The following HNRNPH1 variants were observed in gnomAD, a reference collection of about 807,000 sequenced individuals.
HNRNPH1 encodes the protein heterogeneous nuclear ribonucleoprotein H.
Under a neutral mutation model 58.6 loss-of-function variants are expected in HNRNPH1, and 4 were observed. The ratio of observed to expected loss-of-function variants is 0.07; its 90% CI spans 0.03 to 0.16. The LOEUF (loss-of-function observed/expected upper bound fraction) is 0.16, where lower values mean the gene tolerates loss of function less well. Among genes scored for constraint, HNRNPH1 ranks in the 10% least tolerant of loss-of-function variants. The pLI is 1.00. For missense variants in HNRNPH1, 271 were observed against 564.2 expected (o/e 0.48, Z 5.26); for synonymous variants, 192 against 189.2 (o/e 1.01, Z -0.12).
intron 1 of HNRNPH1, among the ~76,000 whole-genome samples, chr5:179,622,639 A>G (rs1404750770): frequency 6.6e-6 from 1 of 152,234 alleles, no homozygotes; most frequent in Non-Finnish European, 1.5e-5. Context: ...TGAACCCAGG[A>G]GGCGGAGGTT....
chr5:179,619,095 A>C lies in HNRNPH1; in HGVS notation c.536+174T>G, dbSNP rs553452618. ...ACCAATTAACTAGGGACAAATTTCAAACCTAAAATTTAGTTTGCGTGTAAC... is the reference window on the plus strand; with the variant it reads ...ACCAATTAACTAGGGACAAATTTCACACCTAAAATTTAGTTTGCGTGTAAC... On this transcript the variant is annotated intron_variant, in intron 4 of 12. Transcript: ENST00000356731. The C allele has an allele frequency of 6.5e-4, 364 of 563,670 alleles. 1 individual carries two copies. The highest frequency in any genetic ancestry group is 2.2e-5 in the Non-Finnish European group (7 of 325,030). 34.9% of individuals were successfully genotyped at this position (563,670 alleles called of 1,614,324 possible).
Position 179,623,225 on chromosome 5 carries a change from C to G in HNRNPH1, c.-92G>C, listed in dbSNP as rs1174139076. On this transcript the variant is annotated 5_prime_UTR_variant, in exon 1 of 13. Transcript: ENST00000356731. ...ATTAAGCTGTCCTTCGCCTCCGAGG[C>G]GCGCCCGGGCCCGCACCGCCCCCCC... 6.8e-6 allele frequency: 6 copies of G among 883,570 alleles called. No homozygotes were observed. In the African/African-American group the frequency reaches 6.9e-5, roughly 10 times the overall value. The allele number at this position is 883,570 out of a possible 1,614,324, so 54.7% of individuals were successfully genotyped here.
Position 179,616,113 on chromosome 5 carries a change from A to C in HNRNPH1, c.1300+13T>G, listed in dbSNP as rs111356422. The C allele has an allele frequency of 3.7e-6, 6 of 1,601,538 alleles. No individual in the cohort carries two copies. In the African/African-American group the frequency reaches 8.0e-5, roughly 21 times the overall value. ...CATAACTTACTCTAAGTACAGTAACAAACAGGCTTTACCGTATCCACTCAT... is the reference window on the plus strand; with the variant it reads ...CATAACTTACTCTAAGTACAGTAACCAACAGGCTTTACCGTATCCACTCAT... On this transcript the variant is annotated intron_variant, in intron 11 of 12. Coordinates refer to ENST00000356731, the Ensembl canonical transcript of HNRNPH1.
upstream of HNRNPH1, chr5:179,629,393 G>A (rs1476409928): frequency 6.6e-6 from 1 of 151,896 alleles, no homozygotes; most frequent in Non-Finnish European, 1.5e-5. Context: ...CCCAGGCTCA[G>A]GTGATCCTCC....
intron 1 of HNRNPH1, among the ~76,000 whole-genome samples, chr5:179,622,248 T>C (rs969436348): frequency 6.6e-6 from 1 of 152,212 alleles, no homozygotes; most frequent in East Asian, 1.9e-4. Context: ...AATTAAGACG[T>C]GACATTTTAA....
At position 179,615,526 on chromosome 5, in the gene HNRNPH1, T is replaced by C. The variant is rs1350140457; in HGVS notation, c.*20A>G. On this transcript the variant is annotated intron_variant, in intron 12 of 12. Coordinates refer to ENST00000356731, the Ensembl canonical transcript of HNRNPH1. ...CAGTATTTGCTATTGGGAATTTATATTTTTTGAGAAAATATTTACCTATGC... is the reference window on the plus strand; with the variant it reads ...CAGTATTTGCTATTGGGAATTTATACTTTTTGAGAAAATATTTACCTATGC... 3 of 1,328,442 alleles carry C rather than the reference T, an allele frequency of 2.3e-6. No individual in the cohort carries two copies. Among genetic ancestry groups the C allele is most frequent in the Non-Finnish European group, 3.2e-6 (3 of 929,630 alleles). The allele number at this position is 1,328,442 out of a possible 1,614,324, so 82.3% of individuals were successfully genotyped here. A position where few individuals can be genotyped will look rare whatever the true frequency, so the allele number is the denominator to read the frequency against.
At chr5:179,615,507 T>C (rs113428448) in intron 12 of HNRNPH1, 39 bp downstream of exon 13, 7 of 1,093,018 alleles carry the variant, frequency 6.4e-6, no homozygotes, top group Middle Eastern at 2.1e-4. Context: ...ATATCAGTAT[T>C]TGCTATTGGG....
chr5:179,629,004 C>G (rs1774594196), upstream of HNRNPH1: 4 of 151,000 alleles, frequency 2.6e-5, no homozygotes, highest in Admixed American at 2.6e-4. Flanking sequence ...TAAATGCAAT[C>G]ATAAATAACC....
At chr5:179,614,837 T>A (rs760180052) in exon 13 of HNRNPH1, 6 of 1,074,358 alleles carry the variant, frequency 5.6e-6, no homozygotes, top group Non-Finnish European at 8.2e-6. Flanking sequence ...TCAGGATCGA[T>A]CAATTACATT....
chr5:179,616,237 A>G lies in HNRNPH1; in HGVS notation c.1208-19T>C, dbSNP rs774391759. 2 of 1,600,134 alleles carry G rather than the reference A, an allele frequency of 1.2e-6. No individual in the cohort carries two copies. Among genetic ancestry groups the G allele is most frequent in the Non-Finnish European group, 1.7e-6 (2 of 1,167,272 alleles). ...TGGTTTGCTGTTAAGTTAAGAAAAC[A>G]TTAGAACCTTTTTTCTTATGTGATG... On this transcript the variant is annotated intron_variant, in intron 10 of 12. Transcript: ENST00000356731.
chr5:179,615,746 CTCTG>C (rs1459415895), intron 11 of HNRNPH1, 151 bp from the exon 13 acceptor site: 11 of 540,978 alleles, frequency 2.0e-5, no homozygotes, highest in Non-Finnish European at 1.0e-5. Context: ...CAAATTCTCC[CTCTG>C]TCTAAAACTG....
upstream of HNRNPH1, among the ~76,000 whole-genome samples, chr5:179,627,296 A>G (rs1774483607): frequency 6.6e-6 from 1 of 151,904 alleles, no homozygotes; most frequent in Admixed American, 6.6e-5. Context: ...GGCTCAAGCC[A>G]TCCTCCAAGC....
At chr5:179,617,271 T>C (rs982197802) in intron 8 of HNRNPH1, 161 bp from the exon 10 acceptor site, 7 of 771,790 alleles carry the variant, frequency 9.1e-6, no homozygotes, top group Non-Finnish European at 1.5e-5. Context: ...CTCCAAAATC[T>C]AGCCTTTACA....
upstream of HNRNPH1, among the ~76,000 whole-genome samples, chr5:179,626,846 G>T (rs910806207): frequency 7.1e-6 from 1 of 140,904 alleles, no homozygotes. Context: ...CGCGATCTCC[G>T]CTCACTGCAA....
chr5:179,615,497 A>C (rs367756115), intron 12 of HNRNPH1, 49 bp downstream of exon 13: 2 of 992,554 alleles, frequency 2.0e-6, no homozygotes, highest in Non-Finnish European at 3.2e-6. Flanking sequence ...TTATTACAAC[A>C]TATCAGTATT....
intron 2 of HNRNPH1, among the ~76,000 whole-genome samples, chr5:179,631,143 G>A (rs888586040): frequency 6.6e-6 from 1 of 151,800 alleles, no homozygotes; most frequent in Non-Finnish European, 1.5e-5. Context: ...CTGTGAGGGG[G>A]AAGGAAATAA....
At chr5:179,629,167 G>C (rs912208556), upstream of HNRNPH1, 5 of 150,322 alleles carry the variant, frequency 3.3e-5, no homozygotes, top group African/African-American at 1.2e-4. Context: ...CGTGGTGGCG[G>C]GCGCCTGTAG....
At chr5:179,623,637 T>C (rs1026775340) in exon 1 of HNRNPH1, 1 of 153,720 alleles carries the variant, frequency 6.5e-6, no homozygotes, top group African/African-American at 2.4e-5. Context: ...GCGACTCACC[T>C]AGACACGCGA....
intron 1 of HNRNPH1, 117 bp from the exon 3 acceptor site, chr5:179,621,514 A>G (rs1053985884): frequency 5.0e-6 from 4 of 803,058 alleles, no homozygotes; most frequent in South Asian, 3.4e-5. Context: ...TGAAGCCTAT[A>G]TATACTGACC....
Sources: gnomAD v4.1 joint callset for allele counts (sites outside exome capture counted in the v4.1 genomes callset) on GRCh38, gnomAD v4.1.1 for gene constraint, MANE v1.5 for transcripts, NCBI Gene and HGNC (gene_info 2026-07-23, HGNC 2026-07-21) for gene names.